Variants in TMEM131L observed in about 807,000 individuals in gnomAD.
TMEM131L encodes the protein transmembrane 131 like.
Under a neutral mutation model 192.2 loss-of-function variants are expected in TMEM131L, and 54 were observed. The ratio of observed to expected loss-of-function variants is 0.28; its 90% CI spans 0.23 to 0.35. The LOEUF (loss-of-function observed/expected upper bound fraction) is 0.35. Among genes scored for constraint, TMEM131L ranks in the 10% least tolerant of loss-of-function variants. TMEM131L has a pLI of 1.00. For missense variants in TMEM131L, 1,888 were observed against 1,972.9 expected (o/e 0.96, Z 0.82); for synonymous variants, 701 against 704.9 (o/e 0.99, Z 0.09).
At chr4:153,571,673 C>T (rs1418758700) in intron 7 of TMEM131L, among the ~76,000 whole-genome samples, 1 of 152,226 alleles carries the variant, frequency 6.6e-6, no homozygotes. Flanking sequence ...GATCCTCCCT[C>T]CTCAGCCTCC....
chr4:153,536,476 C>T (rs1449796507), intron 3 of TMEM131L, among the ~76,000 whole-genome samples: 1 of 152,220 alleles, frequency 6.6e-6, no homozygotes, highest in African/African-American at 2.4e-5. Flanking sequence ...GCAGTGCAGC[C>T]TCTAGCTGTC....
At chr4:153,577,244 T>C (rs1334989409) in intron 7 of TMEM131L, among the ~76,000 whole-genome samples, 2 of 152,098 alleles carry the variant, frequency 1.3e-5, no homozygotes, top group Non-Finnish European at 2.9e-5. Flanking sequence ...TGCCGGAGTT[T>C]TATAGCGACA....
At chr4:153,575,092 A>G (rs1482884192) in intron 7 of TMEM131L, among the ~76,000 whole-genome samples, 1 of 152,244 alleles carries the variant, frequency 6.6e-6, no homozygotes, top group Admixed American at 6.5e-5. Context: ...CTGGATTAAT[A>G]TAGATTCTCA....
intron 3 of TMEM131L, among the ~76,000 whole-genome samples, chr4:153,492,052 G>C (rs1384648499): frequency 6.6e-6 from 1 of 152,014 alleles, no homozygotes; most frequent in African/African-American, 2.4e-5. Context: ...CCGAGCTGGA[G>C]TGTAGGTAGC....
At chr4:153,521,679 C>T (rs1735122413) in intron 3 of TMEM131L, among the ~76,000 whole-genome samples, 2 of 152,106 alleles carry the variant, frequency 1.3e-5, no homozygotes, top group Non-Finnish European at 2.9e-5. Flanking sequence ...ACAATAACTC[C>T]TCATTCCTCC....
rs568532272 is a variant in TMEM131L at position 153,479,054 on chromosome 4, A to G, written c.239+5166A>G. Among the ~76,000 whole-genome samples, 140 of 152,332 alleles carry G rather than the reference A, an allele frequency of 9.2e-4. 1 individual carries two copies. Among genetic ancestry groups the G allele is most frequent in the African/African-American group, 3.1e-3 (127 of 41,562 alleles). On this transcript the variant is annotated intron_variant, in intron 3 of 34. Coordinates refer to ENST00000409959, the MANE Select transcript of TMEM131L (RefSeq NM_001131007.2). ...AAATGTAAAGGAAGCGCTGATGTCT[A>G]TCACTGGACAGAAAGAATCTAAAGA...
At chr4:153,495,406 G>A (rs1047532596) in intron 3 of TMEM131L, among the ~76,000 whole-genome samples, 4 of 152,156 alleles carry the variant, frequency 2.6e-5, no homozygotes, top group Non-Finnish European at 5.9e-5. Context: ...TGTGCCCAGG[G>A]TGGTCGGGAT....
At chr4:153,610,286 G>A (rs142336614) in intron 25 of TMEM131L, among the ~76,000 whole-genome samples, 1 of 152,280 alleles carries the variant, frequency 6.6e-6, no homozygotes, top group Non-Finnish European at 1.5e-5. Context: ...AGTTATTCCC[G>A]GTTATTAAAG....
chr4:153,570,164 G>A (rs1729490205), intron 7 of TMEM131L, among the ~76,000 whole-genome samples: 1 of 152,166 alleles, frequency 6.6e-6, no homozygotes, highest in Non-Finnish European at 1.5e-5. Context: ...TAAGTCATTT[G>A]AGCCTCACTT....
At chr4:153,578,940 G>T (rs1178011653) in intron 7 of TMEM131L, among the ~76,000 whole-genome samples, 1 of 152,134 alleles carries the variant, frequency 6.6e-6, no homozygotes, top group Non-Finnish European at 1.5e-5. Flanking sequence ...TTACAGGCAT[G>T]AGCCACTGCA....
chr4:153,534,378 A>G (rs1736148742), intron 3 of TMEM131L, among the ~76,000 whole-genome samples: 2 of 152,196 alleles, frequency 1.3e-5, no homozygotes, highest in Non-Finnish European at 2.9e-5. Flanking sequence ...AGGAGGTTGA[A>G]GCTTATTAAG....
chr4:153,627,584 C>T, intron 30 of TMEM131L, 21 bp from the exon 31 acceptor site: 1 of 1,600,176 alleles, frequency 6.2e-7, no homozygotes, highest in Non-Finnish European at 8.6e-7. Flanking sequence ...AGTCGTTCCT[C>T]CTTTGCCCTC....
intron 6 of TMEM131L, among the ~76,000 whole-genome samples, chr4:153,557,414 A>G (rs111815363): frequency 5.6e-4 from 86 of 152,262 alleles, no homozygotes; most frequent in African/African-American, 1.8e-3. Context: ...GGGCGTTCAG[A>G]AGGAGGTGCT....
At chr4:153,582,420 G>GTTTTTTTTTTTTTTTTTTTTTT (rs1216119441) in intron 9 of TMEM131L, among the ~76,000 whole-genome samples, 4 of 81,832 alleles carry the variant, frequency 4.9e-5, no homozygotes, top group African/African-American at 5.5e-5. Flanking sequence ...AATTTAAACC[G>GTTTTTTTTTTTTTTTTTTTTTT]TTTTTTTTTG....
intron 1 of TMEM131L, among the ~76,000 whole-genome samples, chr4:153,466,762 C>T (rs1338835128): frequency 6.6e-6 from 1 of 152,164 alleles, no homozygotes; most frequent in Non-Finnish European, 1.5e-5. Context: ...CCGCTAGCCG[C>T]TCGCGCCCTG....
At chr4:153,600,766 TTTTG>T (rs1345049693) in intron 21 of TMEM131L, among the ~76,000 whole-genome samples, 2 of 152,184 alleles carry the variant, frequency 1.3e-5, no homozygotes, top group East Asian at 3.8e-4. Context: ...CTGAGCAGAT[TTTTG>T]TTTGTTTGTT....
At chr4:153,512,259 G>C (rs1039540665) in intron 3 of TMEM131L, among the ~76,000 whole-genome samples, 4 of 152,182 alleles carry the variant, frequency 2.6e-5, no homozygotes, top group Admixed American at 6.5e-5. Context: ...TAAAATTACA[G>C]TGTGAAAATT....
At position 153,635,537 on chromosome 4, in the gene TMEM131L, C is replaced by G. The variant is rs754749680; in HGVS notation, c.4523C>G (p.Ala1508Gly). ...STWNTPPNMP[A>G]AWGHASFISS... ...TGGAACACCCCACCCAACATGCCTG[C>G]TGCCTGGGGACATGCCAGTTTCATC... Residue 1508 changes from alanine (A) to glycine (G), a missense_variant, in exon 34 of 35, where the codon GCT (alanine) becomes GGT (glycine). Ala to Gly is a moderately conservative substitution (Grantham distance 60). Transcript: ENST00000409959. 1 of 1,614,214 alleles carries G rather than the reference C, an allele frequency of 6.2e-7. No individual in the cohort carries two copies. The highest frequency in any genetic ancestry group is 1.7e-5 in the Admixed American group (1 of 60,028).
rs117187196 is a variant in TMEM131L at position 153,566,896 on chromosome 4, G to A, written c.660+8528G>A. ...AGGAATTCCTAACCTTTTAAAACTG[G>A]CACAGCCCTTGCTTTCAGCGTGTGG... On this transcript the variant is annotated intron_variant, in intron 7 of 34. Transcript: ENST00000409959. Among the ~76,000 whole-genome samples, 31 of 152,286 alleles carry A rather than the reference G, an allele frequency of 2.0e-4. No individual in the cohort carries two copies. The East Asian group carries it at 5.8e-3, about 28-fold the overall frequency.
Sources: gnomAD v4.1 joint callset for allele counts (sites outside exome capture counted in the v4.1 genomes callset) on GRCh38, gnomAD v4.1.1 for gene constraint, MANE v1.5 for transcripts, NCBI Gene and HGNC (gene_info 2026-07-23, HGNC 2026-07-21) for gene names.